LRP6: variants seen among roughly 807,000 people sequenced by gnomAD.
The protein encoded by LRP6 is low-density lipoprotein receptor-related protein 6.
LRP6 carries 43 observed loss-of-function variants against 184.1 expected under a neutral mutation model. The observed-to-expected ratio is 0.23, with a 90% CI of 0.18 to 0.30. The LOEUF (loss-of-function observed/expected upper bound fraction) is 0.30, where lower values mean the gene tolerates loss of function less well. Ranked by LOEUF, LRP6 falls within the 10% of genes least tolerant of loss-of-function variation. LRP6 has a pLI of 1.00. For missense variants in LRP6, 1,571 were observed against 2,005.3 expected (o/e 0.78, Z 4.14); for synonymous variants, 719 against 684.9 (o/e 1.05, Z -0.78).
At chr12:12,184,320 C>A (rs889586876) in intron 4 of LRP6, among the ~76,000 whole-genome samples, 2 of 152,060 alleles carry the variant, frequency 1.3e-5, no homozygotes, top group South Asian at 2.1e-4. Context: ...AGAAGTAAAG[C>A]AGGAGATCCC....
chr12:12,182,470 C>CT (rs1863368202), intron 5 of LRP6, among the ~76,000 whole-genome samples: 1 of 152,036 alleles, frequency 6.6e-6, no homozygotes, highest in African/African-American at 2.4e-5. Flanking sequence ...AAAAAATCGT[C>CT]TAACTATAGG....
chr12:12,191,673 AT>A (rs370839289), intron 3 of LRP6, among the ~76,000 whole-genome samples: 38 of 152,292 alleles, frequency 2.5e-4, no homozygotes, highest in African/African-American at 8.2e-4. Context: ...CAGTCAAAGT[AT>A]TTAAAGTAAG....
intron 3 of LRP6, among the ~76,000 whole-genome samples, chr12:12,191,858 TA>T (rs34672789): frequency 0.069 from 10,505 of 151,474 alleles, 430 homozygotes; most frequent in Admixed American, 0.098. Context: ...AAATATTACA[TA>T]ATAGAAAAAA....
At chr12:12,145,963 C>A (rs1950001327) in intron 15 of LRP6, among the ~76,000 whole-genome samples, 1 of 152,088 alleles carries the variant, frequency 6.6e-6, no homozygotes, top group South Asian at 2.1e-4. Context: ...GGTATATATA[C>A]ATACACTGTG....
intron 2 of LRP6, among the ~76,000 whole-genome samples, chr12:12,221,702 T>C (rs1335448272): frequency 6.6e-6 from 1 of 152,212 alleles, no homozygotes; most frequent in African/African-American, 2.4e-5. Flanking sequence ...CATAATGTTC[T>C]CAAGCACCTG....
chr12:12,129,535 A>G (rs1245821859), intron 19 of LRP6, among the ~76,000 whole-genome samples: 2 of 151,972 alleles, frequency 1.3e-5, no homozygotes, highest in African/African-American at 4.8e-5. Context: ...AACACTATTC[A>G]TTGATCAACA....
At chr12:12,184,881 GA>G (rs1303912941) in intron 4 of LRP6, among the ~76,000 whole-genome samples, 2 of 151,914 alleles carry the variant, frequency 1.3e-5, no homozygotes, top group African/African-American at 2.4e-5. Context: ...AATACTCATA[GA>G]AAAAAATCAA....
intron 2 of LRP6, among the ~76,000 whole-genome samples, chr12:12,227,409 CTTTT>C (rs776157812): frequency 1.4e-5 from 2 of 139,758 alleles, no homozygotes. Context: ...CTTTCTTTTC[CTTTT>C]TTTTTTTTTT....
At chr12:12,219,167 TAC>T (rs1864422628) in intron 2 of LRP6, among the ~76,000 whole-genome samples, 2 of 152,134 alleles carry the variant, frequency 1.3e-5, no homozygotes, top group African/African-American at 4.8e-5. Context: ...CCACTTTAGT[TAC>T]AAATTTTATA....
chr12:12,258,542 G>C (rs1015900173), intron 1 of LRP6, among the ~76,000 whole-genome samples: 16 of 152,276 alleles, frequency 1.1e-4, no homozygotes, highest in African/African-American at 2.9e-4. Flanking sequence ...AAAATTTACA[G>C]TGCTCAATAT....
At chr12:12,200,660 T>C (rs1339862847) in intron 3 of LRP6, among the ~76,000 whole-genome samples, 2 of 152,180 alleles carry the variant, frequency 1.3e-5, no homozygotes, top group African/African-American at 4.8e-5. Flanking sequence ...AGTACTCTGC[T>C]CTCTGGAACC....
chr12:12,137,256 T>C (rs1239704892), intron 16 of LRP6, among the ~76,000 whole-genome samples: 1 of 152,224 alleles, frequency 6.6e-6, no homozygotes, highest in East Asian at 1.9e-4. Flanking sequence ...GGTACCATCA[T>C]GTATGATCAA....
chr12:12,195,229 C>T (rs1863721556), intron 3 of LRP6, among the ~76,000 whole-genome samples: 2 of 152,152 alleles, frequency 1.3e-5, no homozygotes, highest in South Asian at 4.1e-4. Flanking sequence ...AGTGGGACTA[C>T]TGGATCATAT....
intron 16 of LRP6, 116 bp downstream of exon 16, chr12:12,138,209 A>C (rs1949873880): frequency 1.9e-6 from 2 of 1,035,698 alleles, no homozygotes; most frequent in Non-Finnish European, 2.9e-6. Context: ...AAAAATGGCA[A>C]AACTAAAAGT....
chr12:12,231,418 G>A (rs1388308010), intron 2 of LRP6, among the ~76,000 whole-genome samples: 1 of 151,912 alleles, frequency 6.6e-6, no homozygotes, highest in South Asian at 2.1e-4. Context: ...AGCCTTTTTT[G>A]TCTTGCCCTA....
chr12:12,250,553 A>G (rs1396373088), intron 1 of LRP6, among the ~76,000 whole-genome samples: 4 of 152,032 alleles, frequency 2.6e-5, no homozygotes, highest in Non-Finnish European at 5.9e-5. Context: ...CATACCTTAT[A>G]ACTAATTTTA....
intron 15 of LRP6, among the ~76,000 whole-genome samples, chr12:12,139,951 T>C (rs1420725063): frequency 1.3e-5 from 2 of 152,094 alleles, no homozygotes; most frequent in Admixed American, 6.5e-5. Flanking sequence ...CCAGGTATTT[T>C]AGAATGGAAC....
rs1297815825 is a variant in LRP6, at chr12:12,138,289, G to C, written c.3607+36C>G. ...TACATATTAATTTATTATAACACAT[G>C]ATTCCTCCAATTAGCTTTATCCCAT... On this transcript the variant is annotated intron_variant, in intron 16 of 22. Coordinates refer to ENST00000261349, the MANE Select transcript of LRP6 (RefSeq NM_002336.3). 3 of 1,497,112 alleles carry C rather than the reference G, an allele frequency of 2.0e-6. No individual in the cohort carries two copies. In the East Asian group the frequency reaches 6.8e-5, roughly 34 times the overall value. The allele number at this position is 1,497,112 out of a possible 1,614,324, so 92.7% of individuals were successfully genotyped here.
chr12:12,266,171 AAGCCAATCATT>A (rs917453050), intron 1 of LRP6, among the ~76,000 whole-genome samples: 6 of 152,164 alleles, frequency 3.9e-5, no homozygotes, highest in Non-Finnish European at 7.3e-5. Context: ...TCCCAAACGG[AAGCCAATCATT>A]ACCTGTAACA....
Sources: gnomAD v4.1 joint callset for allele counts (sites outside exome capture counted in the v4.1 genomes callset) on GRCh38, gnomAD v4.1.1 for gene constraint, MANE v1.5 for transcripts, NCBI Gene and HGNC (gene_info 2026-07-23, HGNC 2026-07-21) for gene names.